SMCHD1: variants seen among roughly 807,000 people sequenced by gnomAD.
SMCHD1 encodes structural maintenance of chromosomes flexible hinge domain-containing protein 1.
A neutral mutation model predicts 254.7 loss-of-function variants in SMCHD1; 78 were observed. The ratio of observed to expected loss-of-function variants is 0.31; its 90% confidence interval spans 0.26 to 0.37. The LOEUF is 0.37. Ranked by LOEUF, SMCHD1 falls within the 10% of genes least tolerant of loss-of-function variation. The pLI is 1.00. For synonymous variants in SMCHD1, 766 were observed against 794.9 expected (o/e 0.96, Z 0.61); for missense variants, 1,840 against 2,408.1 (o/e 0.76, Z 4.94).
At chr18:2,656,839 CT>C (rs1598266749) in intron 1 of SMCHD1, among the ~76,000 whole-genome samples, 1 of 152,188 alleles carries the variant, frequency 6.6e-6, no homozygotes. Flanking sequence ...TCCAGGTCAG[CT>C]CTGCAGGTAG....
At chr18:2,739,616 T>G (rs1432862276) in intron 27 of SMCHD1, 96 bp downstream of exon 27, 1 of 894,094 alleles carries the variant, frequency 1.1e-6, no homozygotes, top group East Asian at 2.5e-5. Flanking sequence ...AAAGGAAAGC[T>G]TTTGGGTTCA....
chr18:2,732,490 AAAGT>A lies in SMCHD1; in HGVS notation c.3276+4_3276+7del, dbSNP rs2075161499. The A allele has an allele frequency of 1.3e-6, 2 of 1,569,286 alleles. No individual in the cohort carries two copies. Among genetic ancestry groups the A allele is most frequent in the Non-Finnish European group, 1.7e-6 (2 of 1,147,212 alleles). On this transcript the variant is annotated splice_donor_variant and coding_sequence_variant, in exon 25 of 48. Transcript: ENST00000320876. LOFTEE classifies it high-confidence loss of function. Reference sequence around the variant, plus strand: ...AACATCAGCTTTAGCAGAAAAAATTAAAGTAAGTATCTCTAACAGATTGGTTATT... The same window carrying A: ...AACATCAGCTTTAGCAGAAAAAATTAAAGTATCTCTAACAGATTGGTTATT...
intron 17 of SMCHD1, among the ~76,000 whole-genome samples, chr18:2,716,955 C>A (rs987688073): frequency 3.3e-5 from 5 of 152,254 alleles, no homozygotes; most frequent in Non-Finnish European, 5.9e-5. Context: ...GCACCCAATT[C>A]TCATACCCAT....
In SMCHD1 at chr18:2,688,272, C is replaced by T. The variant is rs9950464; in HGVS notation, c.639-122C>T. The T allele has an allele frequency of 0.011, 7,072 of 667,950 alleles. 357 individuals are homozygous for T. In the African/African-American group the frequency reaches 0.11, roughly 11 times the overall value. The allele number at this position is 667,950 out of a possible 1,614,324, so 41.4% of individuals were successfully genotyped here. The stretch of plus-strand genomic sequence containing the variant: ...GATGTCTTGACACTGATTATTTCAC[C>T]TTTCAGTTAGGGGTGTTTGCAGGCG... On this transcript the variant is annotated intron_variant, in intron 5 of 47. Coordinates refer to ENST00000320876, the MANE Select transcript of SMCHD1 (RefSeq NM_015295.3).
At chr18:2,750,011 T>A in intron 30 of SMCHD1, 32 bp from the exon 31 acceptor site, 1 of 1,525,902 alleles carries the variant, frequency 6.6e-7, no homozygotes, top group Non-Finnish European at 8.8e-7. Context: ...TAGAATTTTC[T>A]AATTAACCAT....
chr18:2,676,230 G>A (rs56775691), intron 5 of SMCHD1, among the ~76,000 whole-genome samples: 1 of 152,098 alleles, frequency 6.6e-6, no homozygotes, highest in Non-Finnish European at 1.5e-5. Context: ...AGAAACAGAA[G>A]TAAATACAAA....
intron 34 of SMCHD1, chr18:2,752,789 A>C: frequency 2.6e-6 from 1 of 388,094 alleles, no homozygotes; most frequent in Non-Finnish European, 4.7e-6. Context: ...CGAAGCCATC[A>C]GAAGAATTCT....
chr18:2,662,065 A>G (rs2073280628), intron 1 of SMCHD1, among the ~76,000 whole-genome samples: 1 of 144,678 alleles, frequency 6.9e-6, no homozygotes, highest in South Asian at 2.1e-4. Context: ...AGGCTGAGGC[A>G]GGAGAATGGC....
chr18:2,730,879 A>T (rs1463436232), intron 24 of SMCHD1, among the ~76,000 whole-genome samples: 1 of 152,138 alleles, frequency 6.6e-6, no homozygotes, highest in Non-Finnish European at 1.5e-5. Flanking sequence ...CATTTTCTTT[A>T]TGCAATAATA....
chr18:2,708,915 T>TAGC (rs1568199419), intron 17 of SMCHD1, among the ~76,000 whole-genome samples: 2 of 90,464 alleles, frequency 2.2e-5, no homozygotes, highest in South Asian at 8.6e-4. Flanking sequence ...TATAACATAT[T>TAGC]AACATGAAAT....
chr18:2,783,071 C>T (rs1313184616), intron 44 of SMCHD1, among the ~76,000 whole-genome samples: 1 of 152,062 alleles, frequency 6.6e-6, no homozygotes, highest in African/African-American at 2.4e-5. Flanking sequence ...GGTTGGACTA[C>T]GTTTTTATAC....
intron 5 of SMCHD1, among the ~76,000 whole-genome samples, chr18:2,675,626 T>C (rs377347227): frequency 6.6e-6 from 1 of 152,052 alleles, no homozygotes; most frequent in African/African-American, 2.4e-5. Flanking sequence ...AAAGGATTTA[T>C]AAAAAGCCAG....
chr18:2,780,263 AAAAG>A (rs68181224), intron 44 of SMCHD1, among the ~76,000 whole-genome samples: 4,500 of 127,048 alleles, frequency 0.035, 319 homozygotes, highest in East Asian at 0.26. Flanking sequence ...AAAAAAAAAA[AAAAG>A]GCAATAATAA....
In SMCHD1 at chr18:2,748,380, G is replaced by GTGTGTGTGTGTA. The variant is rs561439889; in HGVS notation, c.3927+736_3927+737insGTGTGTGTATGT. Among the ~76,000 whole-genome samples the GTGTGTGTGTGTA allele has an allele frequency of 5.0e-4, 40 of 80,236 alleles. 3 individuals carry two copies. Among genetic ancestry groups the GTGTGTGTGTGTA allele is most frequent in the African/African-American group, 2.3e-3 (33 of 14,548 alleles). The allele number at this position is 80,236 out of a possible 152,430, so 52.6% of individuals were successfully genotyped here. A position where few individuals can be genotyped will look rare whatever the true frequency, so the allele number is the denominator to read the frequency against. ...TGTGTGTGTGTGTGTGTGTGTGTGT[G>GTGTGTGTGTGTA]TGTATATAAATTTTTTTTTTTTTTT... On this transcript the variant is annotated intron_variant, in intron 30 of 47. Coordinates refer to ENST00000320876, the MANE Select transcript of SMCHD1 (RefSeq NM_015295.3).
chr18:2,755,565 C>CTTTTTTTTTTTTTTT (rs11413061), intron 34 of SMCHD1, among the ~76,000 whole-genome samples: 59 of 108,138 alleles, frequency 5.5e-4, no homozygotes, highest in South Asian at 1.3e-3. Flanking sequence ...TTCTTTCTTT[C>CTTTTTTTTTTTTTTT]TTTTTTTTTT....
intron 36 of SMCHD1, among the ~76,000 whole-genome samples, chr18:2,762,730 C>G (rs552384517): frequency 6.6e-6 from 1 of 152,162 alleles, no homozygotes; most frequent in South Asian, 2.1e-4. Context: ...TCATGTTATC[C>G]TCCTGCCTCA....
intron 1 of SMCHD1, among the ~76,000 whole-genome samples, chr18:2,659,088 C>T (rs1382155576): frequency 6.6e-6 from 1 of 152,082 alleles, no homozygotes; most frequent in East Asian, 1.9e-4. Flanking sequence ...TAGTGTCAGG[C>T]AGTATTATGG....
At chr18:2,700,958 G>A (rs756060801) in intron 12 of SMCHD1, 40 bp downstream of exon 12, 3 of 1,410,306 alleles carry the variant, frequency 2.1e-6, no homozygotes, top group Admixed American at 2.2e-5. Context: ...ATTTGCAAAT[G>A]TTTTATTTTT....
At chr18:2,706,215 T>G in intron 14 of SMCHD1, 149 bp from the exon 15 acceptor site, 1 of 513,808 alleles carries the variant, frequency 1.9e-6, no homozygotes, top group Non-Finnish European at 3.4e-6. Context: ...TAAACAAACA[T>G]TGTGGTGTAA....
Sources: gnomAD v4.1 joint callset for allele counts (sites outside exome capture counted in the v4.1 genomes callset) on GRCh38, gnomAD v4.1.1 for gene constraint, MANE v1.5 for transcripts, NCBI Gene and HGNC (gene_info 2026-07-23, HGNC 2026-07-21) for gene names.